Variants in COBLL1 observed in about 807,000 individuals in gnomAD.
COBLL1 encodes the protein cordon-bleu WH2 repeat protein like 1, also known as cordon-bleu protein-like 1.
COBLL1 carries 50 observed loss-of-function variants against 94.8 expected under a neutral mutation model. That is an observed-to-expected ratio of 0.53 (90% CI 0.42 to 0.67). The LOEUF is 0.67. COBLL1 is among the 30% of genes least tolerant of loss of function. The pLI is 0.00. For missense variants in COBLL1, 1,362 were observed against 1,348.7 expected (o/e 1.01, Z -0.15); for synonymous variants, 448 against 473.8 (o/e 0.95, Z 0.71).
intron 11 of COBLL1, chr2:164,698,105 A>T (rs1408292200): frequency 6.6e-6 from 1 of 152,034 alleles, no homozygotes; most frequent in Non-Finnish European, 1.5e-5. Context: ...TGTACTTGTG[A>T]CTCTGGCACT....
At chr2:164,805,977 T>A (rs1684135723) in intron 2 of COBLL1, among the ~76,000 whole-genome samples, 1 of 152,210 alleles carries the variant, frequency 6.6e-6, no homozygotes, top group African/African-American at 2.4e-5. Flanking sequence ...CTACACTCTC[T>A]CCAGCATTTG....
rs538393285 is a variant in COBLL1 at position 164,722,671 on chromosome 2, G to T, written c.662-149C>A. ...AAAGAAGCACCTTAAATCTTATTAA[G>T]TTCTCAAAGCAACAAGCAAATATTG... On this transcript the variant is annotated intron_variant, in intron 5 of 13. Transcript: ENST00000652658. The T allele has an allele frequency of 2.4e-4, 101 of 414,656 alleles. 1 individual carries two copies. In the East Asian group the frequency reaches 3.9e-3, roughly 16 times the overall value. The allele number at this position is 414,656 out of a possible 1,614,324, so 25.7% of individuals were successfully genotyped here. A position where few individuals can be genotyped will look rare whatever the true frequency, so the allele number is the denominator to read the frequency against.
At chr2:164,692,154 C>G in intron 13 of COBLL1, 67 bp downstream of exon 13, 1 of 1,410,262 alleles carries the variant, frequency 7.1e-7, no homozygotes. Context: ...AAAAATTTTT[C>G]CCTAAGTATT....
chr2:164,730,000 T>G lies in COBLL1; in HGVS notation c.346A>C (p.Thr116Pro), dbSNP rs1240497473. 1 of 1,613,972 alleles carries G rather than the reference T, an allele frequency of 6.2e-7. No individual in the cohort carries two copies. The highest frequency in any genetic ancestry group is 1.1e-5 in the South Asian group (1 of 91,082). The change falls in exon 4 of 14, where the codon ACA (threonine) becomes CCA (proline). Residue 116 changes from threonine (T) to proline (P), a missense_variant. Physicochemically the swap from Thr to Pro is conservative, Grantham distance 38 (BLOSUM62 -1). Transcript: ENST00000652658. ...TCTACCTCCAACATTCCTATTGGTG[T>G]GTTTGGCTTAAATTTAATGTGGTTC... ...EQNHIKFKPN[T>P]PIGMLEVEKV... is the part of the protein sequence containing the mutation.
chr2:164,842,040 G>C, upstream of COBLL1: 1 of 1,533,708 alleles, frequency 6.5e-7, no homozygotes, highest in South Asian at 1.2e-5. Flanking sequence ...CCAGCTCGGC[G>C]GCATTGGAGC....
intron 2 of COBLL1, among the ~76,000 whole-genome samples, chr2:164,838,231 A>C (rs2105397144): frequency 6.6e-6 from 1 of 152,360 alleles, no homozygotes; most frequent in East Asian, 1.9e-4. Context: ...ATGTCGTAGA[A>C]TGCTAAATGC....
intron 7 of COBLL1, among the ~76,000 whole-genome samples, chr2:164,711,794 G>T (rs1684912462): frequency 6.6e-6 from 1 of 152,096 alleles, no homozygotes; most frequent in African/African-American, 2.4e-5. Flanking sequence ...TAAGTCTAAA[G>T]GCTTTACAAA....
At chr2:164,826,917 T>A (rs573482350) in intron 2 of COBLL1, among the ~76,000 whole-genome samples, 128 of 151,940 alleles carry the variant, frequency 8.4e-4, no homozygotes, top group Middle Eastern at 6.8e-3. Flanking sequence ...TGTTTCTCTC[T>A]CTTTTTTGTT....
chr2:164,813,069 A>G (rs1299973143), intron 2 of COBLL1, among the ~76,000 whole-genome samples: 1 of 152,082 alleles, frequency 6.6e-6, no homozygotes, highest in African/African-American at 2.4e-5. Context: ...TTTCTAAACA[A>G]CTTTTCTAAA....
At chr2:164,778,264 G>C (rs769426941) in intron 2 of COBLL1, among the ~76,000 whole-genome samples, 7 of 152,162 alleles carry the variant, frequency 4.6e-5, no homozygotes, top group Non-Finnish European at 1.0e-4. Flanking sequence ...TTATACTTGG[G>C]AGGAATAGCA....
chr2:164,772,567 C>G lies in COBLL1; in HGVS notation c.42-28692G>C, dbSNP rs530271163. ...CTTATCACTTATTCTAAGAAGACTT[C>G]TTTAAATACTAATTAGCTCTGTTAG... On this transcript the variant is annotated intron_variant, in intron 2 of 13. Coordinates refer to ENST00000652658, the MANE Select transcript of COBLL1 (RefSeq NM_001365672.2). Among the ~76,000 whole-genome samples, 4 of 152,102 alleles carry G rather than the reference C, an allele frequency of 2.6e-5. No homozygotes were observed. The South Asian group carries it at 8.3e-4, about 32-fold the overall frequency.
In COBLL1 at chr2:164,694,764, C is replaced by G. The variant is rs374207791; in HGVS notation, c.2628G>C (p.Ser876=). ...CAGCTGCAGATGTCACATAGTGACCCGATACTCTCTTCTGCATCTGCAAAA... is the reference window on the plus strand; with the variant it reads ...CAGCTGCAGATGTCACATAGTGACCGGATACTCTCTTCTGCATCTGCAAAA... ...SFFLQMQKRV[S]GHYVTSAAAK... The change falls in exon 12 of 14, where the codon TCG becomes TCC. Residue 876 remains serine (S), a synonymous_variant. Coordinates refer to ENST00000652658, the MANE Select transcript of COBLL1 (RefSeq NM_001365672.2). 2.5e-6 allele frequency: 4 copies of G among 1,613,102 alleles called. No individual in the cohort carries two copies. Among genetic ancestry groups the G allele is most frequent in the Admixed American group, 1.7e-5 (1 of 59,842 alleles).
intron 2 of COBLL1, among the ~76,000 whole-genome samples, chr2:164,752,217 T>C (rs1026540990): frequency 2.0e-5 from 3 of 152,190 alleles, no homozygotes; most frequent in Non-Finnish European, 2.9e-5. Context: ...CTAACTCGTG[T>C]CCTTACTACA....
rs756059591 is a variant in COBLL1, at chr2:164,694,426, G to A, written c.2966C>T (p.Ala989Val). 3 of 1,613,960 alleles carry A rather than the reference G, an allele frequency of 1.9e-6. No individual in the cohort carries two copies. Among genetic ancestry groups the A allele is most frequent in the African/African-American group, 2.7e-5 (2 of 75,008 alleles). Residue 989 changes from alanine (A) to valine (V), a missense_variant, in exon 12 of 14, where the codon GCT (alanine) becomes GTT (valine). Transcript: ENST00000652658. ...CTGTGACCTTTTCACTACAGCAAGA[G>A]CAAACGGTGAAGGACCAGAACTTGA... ...PYSSSGPSPF[A>V]LAVVKRSQSF...
chr2:164,675,960 C>T (rs1039310035), downstream of COBLL1, among the ~76,000 whole-genome samples: 2 of 151,956 alleles, frequency 1.3e-5, no homozygotes, highest in South Asian at 2.1e-4. Context: ...AATAGGCAAC[C>T]GTGAACTATA....
chr2:164,769,082 G>T (rs1688074752), intron 2 of COBLL1, among the ~76,000 whole-genome samples: 1 of 152,068 alleles, frequency 6.6e-6, no homozygotes, highest in African/African-American at 2.4e-5. Flanking sequence ...CAAAGAAGAT[G>T]CTCAATAAAA....
In COBLL1 at chr2:164,682,501, T is replaced by A. The variant is rs1430954279; in HGVS notation, c.*3445A>T. The A allele has an allele frequency of 2.0e-5, 3 of 152,214 alleles. No homozygotes were observed. Among genetic ancestry groups the A allele is most frequent in the African/African-American group, 7.2e-5 (3 of 41,466 alleles). The allele number at this position is 152,214 out of a possible 1,614,324, so 9.4% of individuals were successfully genotyped here. On this transcript the variant is annotated 3_prime_UTR_variant, in exon 14 of 14. Coordinates refer to ENST00000652658, the MANE Select transcript of COBLL1 (RefSeq NM_001365672.2). The stretch of plus-strand genomic sequence containing the variant: ...CTAAGTCTCAGGACAAAGATTGGTC[T>A]CATTTCAAGGACTTGGATAAGATGA...
At chr2:164,790,796 A>G (rs1683150790) in intron 2 of COBLL1, among the ~76,000 whole-genome samples, 1 of 152,234 alleles carries the variant, frequency 6.6e-6, no homozygotes, top group Non-Finnish European at 1.5e-5. Flanking sequence ...GAACTCCAGA[A>G]AAGAAAACAT....
rs759942268 is a variant in COBLL1, at chr2:164,692,306, G to A, written c.3215C>T (p.Thr1072Ile). ...CTGTTCTGGGTCAGAGCTTTGGAAT[G>A]TTAAAGAACTTTGTCTCATAACAGT... ...SFTVMRQSSLTFQSSDPEQMR... is the reference protein window; with the variant it reads ...SFTVMRQSSLIFQSSDPEQMR... The change falls in exon 13 of 14, where the codon ACA becomes ATA. Residue 1072 changes from threonine to isoleucine, a missense_variant. Coordinates refer to ENST00000652658, the MANE Select transcript of COBLL1 (RefSeq NM_001365672.2). 1 of 1,613,680 alleles carries A rather than the reference G, an allele frequency of 6.2e-7. No individual in the cohort carries two copies. Among genetic ancestry groups the A allele is most frequent in the East Asian group, 2.2e-5 (1 of 44,866 alleles).
Sources: gnomAD v4.1 joint callset for allele counts (sites outside exome capture counted in the v4.1 genomes callset) on GRCh38, gnomAD v4.1.1 for gene constraint, MANE v1.5 for transcripts, NCBI Gene and HGNC (gene_info 2026-07-23, HGNC 2026-07-21) for gene names.